HHIP: variants seen among roughly 807,000 people sequenced by gnomAD.
The protein encoded by HHIP is hedgehog-interacting protein.
HHIP carries 12 observed loss-of-function variants against 74.0 expected under a neutral mutation model. The observed-to-expected ratio is 0.16, with a 90% CI of 0.10 to 0.26. The LOEUF (loss-of-function observed/expected upper bound fraction) is 0.26, where lower values mean the gene tolerates loss of function less well. HHIP is among the 10% of genes least tolerant of loss of function. The pLI, the probability that HHIP is intolerant of heterozygous loss-of-function variation, is 1.00. For missense variants in HHIP, 788 were observed against 845.0 expected (o/e 0.93, Z 0.84); for synonymous variants, 309 against 311.6 (o/e 0.99, Z 0.09).
intron 8 of HHIP, among the ~76,000 whole-genome samples, chr4:144,713,855 T>C (rs1317698848): frequency 6.6e-6 from 1 of 152,192 alleles, no homozygotes; most frequent in Non-Finnish European, 1.5e-5. Context: ...TGCAGAAGCA[T>C]TTCTACACAA....
chr4:144,691,172 A>G (rs1729651788), intron 4 of HHIP, among the ~76,000 whole-genome samples: 1 of 152,222 alleles, frequency 6.6e-6, no homozygotes, highest in Non-Finnish European at 1.5e-5. Flanking sequence ...TTCCAATAGA[A>G]AAAAAACAAA....
At chr4:144,653,185 T>C (rs577714845) in intron 2 of HHIP, among the ~76,000 whole-genome samples, 25 of 152,246 alleles carry the variant, frequency 1.6e-4, no homozygotes, top group Admixed American at 7.2e-4. Flanking sequence ...TACATATATA[T>C]ATTGGAGAAA....
chr4:144,655,330 T>C (rs1213487395), intron 2 of HHIP, among the ~76,000 whole-genome samples: 1 of 152,196 alleles, frequency 6.6e-6, no homozygotes, highest in Non-Finnish European at 1.5e-5. Context: ...AGGACTTTTC[T>C]TCTGCTTAAC....
In HHIP at chr4:144,744,917, T is replaced by C. The variant is rs1159509174; in HGVS notation, c.*6960T>C. The C allele has an allele frequency of 1.3e-5, 2 of 152,238 alleles. No individual in the cohort carries two copies. Among genetic ancestry groups the C allele is most frequent in the South Asian group, 2.1e-4 (1 of 4,836 alleles). 9.4% of individuals were successfully genotyped at this position (152,238 alleles called of 1,614,324 possible). A position where few individuals can be genotyped will look rare whatever the true frequency, so the allele number is the denominator to read the frequency against. On this transcript the variant is annotated 3_prime_UTR_variant, in exon 13 of 13. Transcript: ENST00000296575. ...GGCCTAAAGTACATCTGTGTGTATC[T>C]GTACGTGTGCACACACCCATGTATA...
At chr4:144,698,227 G>A (rs906961360) in intron 4 of HHIP, among the ~76,000 whole-genome samples, 1 of 152,174 alleles carries the variant, frequency 6.6e-6, no homozygotes, top group Non-Finnish European at 1.5e-5. Context: ...GTGTGATGGA[G>A]TGTGATGAAG....
In HHIP at chr4:144,716,217, C is replaced by T. The variant is rs570020692; in HGVS notation, c.1678+787C>T. On this transcript the variant is annotated intron_variant, in intron 10 of 12. Coordinates refer to ENST00000296575, the MANE Select transcript of HHIP (RefSeq NM_022475.3). ...AGGCATAAAGAAGAATGTATGTTTC[C>T]CATGTTAATCAGAATATTTTCTCTA... 1.2e-4 allele frequency among the ~76,000 whole-genome samples: 19 copies of T among 152,198 alleles called. 2 individuals carry two copies. In the South Asian group the frequency reaches 3.9e-3, roughly 32 times the overall value.
rs527516988 is a variant in HHIP at position 144,687,486 on chromosome 4, C to T, written c.832-19045C>T. Among the ~76,000 whole-genome samples, 20 of 152,282 alleles carry T rather than the reference C, an allele frequency of 1.3e-4. No individual in the cohort carries two copies. In the South Asian group the frequency reaches 2.1e-3, roughly 16 times the overall value. The stretch of plus-strand genomic sequence containing the variant: ...ATCCCTGCTTAATTTCTACCAATTT[C>T]ACAGAGGATATTTTTGTCTCCTGCA... On this transcript the variant is annotated intron_variant, in intron 4 of 12. Transcript: ENST00000296575.
Position 144,738,114 on chromosome 4 carries a change from T to C in HHIP, c.*157T>C. 2.6e-5 allele frequency: 34 copies of C among 1,316,840 alleles called. No homozygotes were observed. Among genetic ancestry groups the C allele is most frequent in the Non-Finnish European group, 3.3e-5 (34 of 1,033,908 alleles). The allele number at this position is 1,316,840 out of a possible 1,614,324, so 81.6% of individuals were successfully genotyped here. On this transcript the variant is annotated 3_prime_UTR_variant, in exon 13 of 13. Coordinates refer to ENST00000296575, the MANE Select transcript of HHIP (RefSeq NM_022475.3). ...CAGAAATGTGCAGATCCTCTGTGTG[T>C]ATGTCAGCATGTTTGTTCACATATG...
chr4:144,652,889 A>C, intron 2 of HHIP, 92 bp downstream of exon 2: 1 of 853,444 alleles, frequency 1.2e-6, no homozygotes, highest in Non-Finnish European at 1.7e-6. Context: ...AAACTTGTAA[A>C]ATTTATCTTG....
Position 144,716,854 on chromosome 4 carries a change from G to GAAAAAAAAAAAA in HHIP, c.1678+1447_1678+1458dup, listed in dbSNP as rs869028218. On this transcript the variant is annotated intron_variant, in intron 10 of 12. Transcript: ENST00000296575. ...ACATGAGCAAAACTCCGTCTCAAAA[G>GAAAAAAAAAAAA]AAAAAAAAAAAAAAAAAAAAAAAAA... 1.0e-3 allele frequency among the ~76,000 whole-genome samples: 56 copies of GAAAAAAAAAAAA among 54,666 alleles called. 3 individuals carry two copies. The highest frequency in any genetic ancestry group is 2.9e-3 in the South Asian group (3 of 1,044). The allele number at this position is 54,666 out of a possible 152,430, so 35.9% of individuals were successfully genotyped here.
intron 11 of HHIP, among the ~76,000 whole-genome samples, chr4:144,726,115 T>G (rs530671012): frequency 7.9e-5 from 12 of 152,332 alleles, no homozygotes; most frequent in African/African-American, 2.9e-4. Flanking sequence ...CAATTATGGT[T>G]TATGAATTAA....
rs555716720 is a variant in HHIP, at chr4:144,688,887, A to C, written c.832-17644A>C. Among the ~76,000 whole-genome samples, 3 of 152,284 alleles carry C rather than the reference A, an allele frequency of 2.0e-5. No homozygotes were observed. In the South Asian group the frequency reaches 6.2e-4, roughly 32 times the overall value. On this transcript the variant is annotated intron_variant, in intron 4 of 12. Coordinates refer to ENST00000296575, the MANE Select transcript of HHIP (RefSeq NM_022475.3). ...TTAAAGTGGGAGCACCAAAAATGTC[A>C]TTGGAGTGCTTATTTCTTCAAGCTT...
chr4:144,703,305 A>G (rs749644363), intron 4 of HHIP, among the ~76,000 whole-genome samples: 3 of 152,168 alleles, frequency 2.0e-5, no homozygotes, highest in Non-Finnish European at 4.4e-5. Flanking sequence ...CATTCTATTA[A>G]TATGTTTTTC....
Position 144,734,863 on chromosome 4 carries a change from G to C in HHIP, c.1883G>C (p.Gly628Ala), listed in dbSNP as rs1180725675. 6.2e-7 allele frequency: 1 copy of C among 1,611,762 alleles called. No homozygotes were observed. Among genetic ancestry groups the C allele is most frequent in the Non-Finnish European group, 8.5e-7 (1 of 1,178,264 alleles). Residue 628 changes from glycine to alanine, a missense_variant, in exon 12 of 13, where the codon GGC becomes GCC. By Grantham distance (60) the Gly-to-Ala change is moderately conservative (BLOSUM62 0). Coordinates refer to ENST00000296575, the MANE Select transcript of HHIP (RefSeq NM_022475.3). ...TPTGKCCCSP[G>A]WEGDFCRTAK... is the part of the protein sequence containing the mutation. ...ACGGGAAAGTGCTGCTGCAGTCCAG[G>C]CTGGGAGGGGGACTTCTGCAGAACT...
intron 4 of HHIP, among the ~76,000 whole-genome samples, chr4:144,675,564 T>C (rs1196959627): frequency 6.6e-6 from 1 of 152,116 alleles, no homozygotes; most frequent in African/African-American, 2.4e-5. Context: ...TCATTAGTTT[T>C]GGCTAATATT....
intron 4 of HHIP, among the ~76,000 whole-genome samples, chr4:144,684,425 T>G (rs1278876151): frequency 6.7e-6 from 1 of 149,520 alleles, no homozygotes; most frequent in African/African-American, 2.5e-5. Flanking sequence ...CGCCCGGCTA[T>G]TTTTTTTATT....
chr4:144,713,081 C>A (rs1730347355), intron 8 of HHIP, among the ~76,000 whole-genome samples: 1 of 152,000 alleles, frequency 6.6e-6, no homozygotes, highest in African/African-American at 2.4e-5. Context: ...AACAGCACTA[C>A]ATTTATTTAT....
In HHIP at chr4:144,743,034, ATAT is replaced by A. The variant is rs1168536689; in HGVS notation, c.*5078_*5080del. 1 of 132,150 alleles carries A rather than the reference ATAT, an allele frequency of 7.6e-6. No homozygotes were observed. Among genetic ancestry groups the A allele is most frequent in the African/African-American group, 2.8e-5 (1 of 35,550 alleles). 8.2% of individuals were successfully genotyped at this position (132,150 alleles called of 1,614,324 possible). A position where few individuals can be genotyped will look rare whatever the true frequency, so the allele number is the denominator to read the frequency against. ...ATTATATATATATAATATATATCTTATATATATATATATCTTAATACATATATA... is the reference window on the plus strand; with the variant it reads ...ATTATATATATATAATATATATCTTAATATATATATCTTAATACATATATA... On this transcript the variant is annotated 3_prime_UTR_variant, in exon 13 of 13. Transcript: ENST00000296575.
intron 11 of HHIP, among the ~76,000 whole-genome samples, chr4:144,729,815 C>CA (rs34100070): frequency 0.58 from 88,546 of 151,812 alleles, 26,055 homozygotes; most frequent in South Asian, 0.76. Flanking sequence ...ATCAGGATAT[C>CA]TACATAAGTA....
Sources: allele counts gnomAD v4.1 joint callset (sites outside exome capture counted in the v4.1 genomes callset), GRCh38; gene constraint gnomAD v4.1.1; transcripts MANE v1.5; gene names NCBI Gene and HGNC (gene_info 2026-07-23, HGNC 2026-07-21).